CDKAL1: variants seen among roughly 807,000 people sequenced by gnomAD.
CDKAL1 encodes the protein threonylcarbamoyladenosine tRNA methylthiotransferase.
In CDKAL1, 32 loss-of-function variants were observed where a neutral mutation model predicts 68.2. The observed-to-expected ratio is 0.47, with a 90% CI of 0.35 to 0.63. CDKAL1 has a LOEUF of 0.63. Ranked by LOEUF, CDKAL1 falls within the 30% of genes least tolerant of loss-of-function variation. The pLI is 0.00. For missense variants in CDKAL1, 606 were observed against 696.7 expected (o/e 0.87, Z 1.47); for synonymous variants, 234 against 244.3 (o/e 0.96, Z 0.39).
intron 4 of CDKAL1, among the ~76,000 whole-genome samples, chr6:20,613,552 T>C (rs535241530): frequency 3.3e-5 from 5 of 151,156 alleles, no homozygotes; most frequent in Non-Finnish European, 7.4e-5. Flanking sequence ...TGAGATTACA[T>C]GTGTGAGCCA....
At chr6:21,192,726 G>T (rs1778306475) in intron 13 of CDKAL1, among the ~76,000 whole-genome samples, 1 of 150,964 alleles carries the variant, frequency 6.6e-6, no homozygotes, top group African/African-American at 2.4e-5. Context: ...TATTTAACCA[G>T]CCATAAACTA....
chr6:21,142,549 T>A (rs1409784942), intron 13 of CDKAL1, among the ~76,000 whole-genome samples: 1 of 152,154 alleles, frequency 6.6e-6, no homozygotes, highest in East Asian at 1.9e-4. Context: ...AGGACCCTCA[T>A]TGGCAGCAAC....
intron 5 of CDKAL1, among the ~76,000 whole-genome samples, chr6:20,727,252 G>GA (rs1371316920): frequency 4.6e-5 from 7 of 152,054 alleles, no homozygotes; most frequent in Non-Finnish European, 7.4e-5. Context: ...GTCACAGGAG[G>GA]AAAAAAGCTC....
intron 12 of CDKAL1, among the ~76,000 whole-genome samples, chr6:21,099,295 G>A (rs796520225): frequency 2.6e-5 from 4 of 152,260 alleles, no homozygotes; most frequent in African/African-American, 9.6e-5. Context: ...ATTCAACTTT[G>A]CCATCATAGC....
intron 10 of CDKAL1, among the ~76,000 whole-genome samples, chr6:20,975,846 A>T (rs1765820325): frequency 6.6e-6 from 1 of 152,226 alleles, no homozygotes; most frequent in Admixed American, 6.5e-5. Flanking sequence ...GATTCTTGGC[A>T]TTGCTGTACT....
At chr6:20,866,228 A>G (rs959816903) in intron 9 of CDKAL1, among the ~76,000 whole-genome samples, 1 of 152,206 alleles carries the variant, frequency 6.6e-6, no homozygotes, top group African/African-American at 2.4e-5. Context: ...GATAGAAAAA[A>G]TAAAGTAAAA....
intron 12 of CDKAL1, among the ~76,000 whole-genome samples, chr6:21,067,513 G>A (rs759188249): frequency 5.3e-5 from 8 of 152,172 alleles, no homozygotes; most frequent in Non-Finnish European, 1.0e-4. Flanking sequence ...TCGGGAGGCT[G>A]AGGCAGAAGA....
At chr6:20,810,120 T>C (rs1463372016) in intron 8 of CDKAL1, among the ~76,000 whole-genome samples, 1 of 152,070 alleles carries the variant, frequency 6.6e-6, no homozygotes, top group Non-Finnish European at 1.5e-5. Context: ...TTTTAAACCA[T>C]TATAGAACAC....
At chr6:20,579,900 G>A (rs564256514) in intron 4 of CDKAL1, among the ~76,000 whole-genome samples, 2 of 152,268 alleles carry the variant, frequency 1.3e-5, no homozygotes, top group Admixed American at 6.5e-5. Flanking sequence ...TCTGTTTTTT[G>A]TAGGGGAGGG....
At chr6:20,608,382 C>T (rs996613880) in intron 4 of CDKAL1, among the ~76,000 whole-genome samples, 1 of 152,058 alleles carries the variant, frequency 6.6e-6, no homozygotes, top group Non-Finnish European at 1.5e-5. Context: ...TTTTAGGTTT[C>T]TTTCCAGTTC....
In CDKAL1 at chr6:20,548,850, C is replaced by T. The variant is rs563471306; in HGVS notation, c.286+145C>T. 13 of 509,978 alleles carry T rather than the reference C, an allele frequency of 2.5e-5. No individual in the cohort carries two copies. In the South Asian group the frequency reaches 4.1e-4, roughly 16 times the overall value. 31.6% of individuals were successfully genotyped at this position (509,978 alleles called of 1,614,324 possible). A position where few individuals can be genotyped will look rare whatever the true frequency, so the allele number is the denominator to read the frequency against. ...AGTTATTACACATTTTGTAGATAAC[C>T]ATGGATGTCATATTTAAAAAAACTT... On this transcript the variant is annotated intron_variant, in intron 4 of 15. Transcript: ENST00000274695.
chr6:20,769,157 G>A (rs1400783797), intron 7 of CDKAL1, among the ~76,000 whole-genome samples: 4 of 151,898 alleles, frequency 2.6e-5, no homozygotes, highest in African/African-American at 4.8e-5. Flanking sequence ...ACTCACACCC[G>A]GGAAAGTACA....
chr6:21,146,196 G>A (rs1776160897), intron 13 of CDKAL1, among the ~76,000 whole-genome samples: 1 of 152,116 alleles, frequency 6.6e-6, no homozygotes, highest in Non-Finnish European at 1.5e-5. Context: ...CCAGGCATTT[G>A]TCTGAGCTCC....
At chr6:21,071,063 GT>G (rs2150942589) in intron 12 of CDKAL1, among the ~76,000 whole-genome samples, 1 of 152,256 alleles carries the variant, frequency 6.6e-6, no homozygotes, top group Admixed American at 6.5e-5. Flanking sequence ...TAGTTAATGT[GT>G]TTTTTAATTC....
chr6:20,627,661 T>C (rs1262813876), intron 4 of CDKAL1, among the ~76,000 whole-genome samples: 1 of 152,218 alleles, frequency 6.6e-6, no homozygotes, highest in East Asian at 1.9e-4. Context: ...GTTAAAGTTA[T>C]ATATCAATTT....
intron 13 of CDKAL1, among the ~76,000 whole-genome samples, chr6:21,140,479 C>T (rs1249963000): frequency 1.3e-5 from 2 of 152,200 alleles, no homozygotes; most frequent in Non-Finnish European, 2.9e-5. Context: ...TTCAGTCAAA[C>T]TGGTATCACT....
At chr6:20,943,289 A>G in intron 9 of CDKAL1, among the ~76,000 whole-genome samples, 1 of 145,312 alleles carries the variant, frequency 6.9e-6, no homozygotes, top group South Asian at 2.2e-4. Flanking sequence ...TCCAGCCCCC[A>G]GTTGCTTTTA....
chr6:21,155,424 G>A lies in CDKAL1; in HGVS notation c.1300-42597G>A, dbSNP rs547079539. On this transcript the variant is annotated intron_variant, in intron 13 of 15. Transcript: ENST00000274695. ...AGCTGGACATGAAAATCAGAAACAT[G>A]GAAGGAGAAGGGGCATAGCCGTGAC... 1.2e-4 allele frequency among the ~76,000 whole-genome samples: 18 copies of A among 152,230 alleles called. No homozygotes were observed. The South Asian group carries it at 1.9e-3, about 16-fold the overall frequency.
At chr6:20,886,015 A>G (rs1265166052) in intron 9 of CDKAL1, among the ~76,000 whole-genome samples, 1 of 152,150 alleles carries the variant, frequency 6.6e-6, no homozygotes, top group Non-Finnish European at 1.5e-5. Flanking sequence ...CCAGCCTGAG[A>G]AACAGAGCAA....
Sources: gnomAD v4.1 joint callset for allele counts (sites outside exome capture counted in the v4.1 genomes callset) on GRCh38, gnomAD v4.1.1 for gene constraint, MANE v1.5 for transcripts, NCBI Gene and HGNC (gene_info 2026-07-23, HGNC 2026-07-21) for gene names.